The following DOCK1 variants were observed in gnomAD, a reference collection of about 807,000 sequenced individuals.
DOCK1 encodes the protein dedicator of cytokinesis 1.
In DOCK1, 138 loss-of-function variants were observed where a neutral mutation model predicts 262.7. The ratio of observed to expected loss-of-function variants is 0.53; its 90% CI spans 0.46 to 0.61. The LOEUF (loss-of-function observed/expected upper bound fraction) is 0.61, where lower values mean the gene tolerates loss of function less well. DOCK1 is among the 20% of genes least tolerant of loss of function. The probability of loss-of-function intolerance (pLI) is 0.00; values close to 1 mark genes in which losing one functional copy is unlikely to be tolerated. For synonymous variants in DOCK1, 866 were observed against 867.4 expected, an observed-to-expected ratio of 1.00 and a Z score of 0.03; for missense variants, 1,908 against 2,370.7, an observed-to-expected ratio of 0.80 and a Z score of 4.05.
rs532617944 is a variant in DOCK1, at chr10:127,429,174, C to G, written c.4914+3163C>G. On this transcript the variant is annotated intron_variant, in intron 47 of 51. Transcript: ENST00000623213. ...GGCAGCACCGTCTCCATCAACCTCC[C>G]CACCCTTCTCTGTAGCACCAGCTGG... 3.9e-5 allele frequency among the ~76,000 whole-genome samples: 6 copies of G among 152,136 alleles called. No individual in the cohort carries two copies. The South Asian group carries it at 1.2e-3, about 32-fold the overall frequency.
At chr10:127,203,469 C>T (rs778019203) in intron 27 of DOCK1, among the ~76,000 whole-genome samples, 17 of 152,116 alleles carry the variant, frequency 1.1e-4, no homozygotes, top group African/African-American at 3.9e-4. Flanking sequence ...ATTTATTTCG[C>T]AGCGTGGCTC....
At chr10:127,172,392 C>T (rs1034617123) in intron 27 of DOCK1, among the ~76,000 whole-genome samples, 1 of 152,240 alleles carries the variant, frequency 6.6e-6, no homozygotes, top group African/African-American at 2.4e-5. Context: ...GCTGCCACTG[C>T]TCACAGCTGT....
chr10:127,200,164 G>A (rs1267581425), intron 27 of DOCK1, among the ~76,000 whole-genome samples: 1 of 152,130 alleles, frequency 6.6e-6, no homozygotes, highest in Non-Finnish European at 1.5e-5. Flanking sequence ...AGGGTTCCCG[G>A]ATCTCACACA....
intron 27 of DOCK1, among the ~76,000 whole-genome samples, chr10:127,183,071 CTTT>C (rs3066813): frequency 0.22 from 19,471 of 88,982 alleles, 1,853 homozygotes; most frequent in Middle Eastern, 0.3. Flanking sequence ...TATGGTGAAT[CTTT>C]TTTTTTTTTT....
At chr10:126,989,025 A>T (rs1197541715) in intron 5 of DOCK1, among the ~76,000 whole-genome samples, 2 of 149,386 alleles carry the variant, frequency 1.3e-5, no homozygotes, top group African/African-American at 2.5e-5. Context: ...ATGAGCCAAG[A>T]TTGCGCCACT....
intron 29 of DOCK1, among the ~76,000 whole-genome samples, chr10:127,276,626 G>A: frequency 6.6e-6 from 1 of 152,094 alleles, no homozygotes; most frequent in Non-Finnish European, 1.5e-5. Context: ...CTTCAGGCAG[G>A]CAGCCTGATC....
rs1289667054 is a variant in DOCK1, at chr10:127,301,497, G to A, written c.3045-37509G>A. Among the ~76,000 whole-genome samples the A allele has an allele frequency of 3.3e-5, 5 of 152,174 alleles. No homozygotes were observed. In the East Asian group the frequency reaches 5.8e-4, roughly 18 times the overall value. ...AGAAGGGTGTTTACAAAACGGCTTC[G>A]CTTTGCTATTGTCATGAGGAGAACA... On this transcript the variant is annotated intron_variant, in intron 29 of 51. Transcript: ENST00000623213.
intron 27 of DOCK1, among the ~76,000 whole-genome samples, chr10:127,212,619 T>C (rs562777676): frequency 2.2e-4 from 34 of 152,170 alleles, no homozygotes; most frequent in Admixed American, 1.5e-3. Flanking sequence ...GATTTCCCGA[T>C]GCCCAGCAAG....
chr10:127,145,498 A>G (rs547041583), intron 27 of DOCK1, among the ~76,000 whole-genome samples: 35 of 152,316 alleles, frequency 2.3e-4, no homozygotes, highest in Admixed American at 1.9e-3. Context: ...AAACTGTGTT[A>G]TAACTGCCTT....
chr10:127,133,011 C>G (rs187667626), intron 27 of DOCK1, among the ~76,000 whole-genome samples: 9 of 152,276 alleles, frequency 5.9e-5, no homozygotes, highest in Non-Finnish European at 2.9e-5. Flanking sequence ...CATCCTGACT[C>G]CCTAGACACA....
Position 127,300,100 on chromosome 10 carries a change from C to T in DOCK1, c.3045-38906C>T, listed in dbSNP as rs143213073. Among the ~76,000 whole-genome samples the T allele has an allele frequency of 7.7e-3, 1,173 of 152,216 alleles. 7 individuals are homozygous for T. The highest frequency in any genetic ancestry group is 0.031 in the Middle Eastern group (9 of 294). On this transcript the variant is annotated intron_variant, in intron 29 of 51. Coordinates refer to ENST00000623213, the MANE Select transcript of DOCK1 (RefSeq NM_001290223.2). The stretch of plus-strand genomic sequence containing the variant: ...CAAAGGGAAGGTGACCAGTGGACTC[C>T]ACCTGCTCAGCAAACACTGACCTGG...
chr10:126,959,088 G>C (rs1364891487), intron 1 of DOCK1, among the ~76,000 whole-genome samples: 8 of 152,312 alleles, frequency 5.3e-5, no homozygotes, highest in Non-Finnish European at 7.4e-5. Flanking sequence ...TTGACAATTG[G>C]TTGAGTTTGT....
rs752217390 is a variant in DOCK1 at position 127,409,387 on chromosome 10, G to A, written c.4339G>A (p.Val1447Ile). The A allele has an allele frequency of 1.2e-6, 2 of 1,613,972 alleles. No homozygotes were observed. Among genetic ancestry groups the A allele is most frequent in the East Asian group, 2.2e-5 (1 of 44,874 alleles). The change falls in exon 42 of 52, where the codon GTA becomes ATA. Residue 1447 changes from valine to isoleucine, a missense_variant. Coordinates refer to ENST00000623213, the MANE Select transcript of DOCK1 (RefSeq NM_001290223.2). ...KFHRPVSEQI[V>I]SFYRVNEVQR... ...TCACAGGCCAGTGTCAGAGCAGATT[G>A]TAAGGTAATAATCCCATTTTTCTTA...
At chr10:127,228,403 A>G (rs976485077) in intron 27 of DOCK1, among the ~76,000 whole-genome samples, 1 of 152,170 alleles carries the variant, frequency 6.6e-6, no homozygotes, top group Admixed American at 6.5e-5. Flanking sequence ...GGTGGTGACC[A>G]GCAGAGAGCA....
At chr10:127,254,380 A>C (rs568771516) in intron 28 of DOCK1, among the ~76,000 whole-genome samples, 30 of 152,096 alleles carry the variant, frequency 2.0e-4, no homozygotes, top group Admixed American at 1.2e-3. Context: ...ATCCCCCTGT[A>C]TGTTCTGCAA....
intron 29 of DOCK1, among the ~76,000 whole-genome samples, chr10:127,295,683 T>TAA (rs34549951): frequency 5.9e-5 from 8 of 136,096 alleles, no homozygotes; most frequent in Admixed American, 3.7e-4. Context: ...CCCACCCCGA[T>TAA]AAAAAAAAAA....
chr10:127,361,232 G>T (rs1431166618), intron 32 of DOCK1, among the ~76,000 whole-genome samples: 1 of 147,310 alleles, frequency 6.8e-6, no homozygotes, highest in African/African-American at 2.5e-5. Context: ...TCCTGCCTCA[G>T]CCTCCCAGGT....
At chr10:127,123,395 G>T (rs1021030029) in intron 25 of DOCK1, among the ~76,000 whole-genome samples, 7 of 152,190 alleles carry the variant, frequency 4.6e-5, no homozygotes, top group African/African-American at 1.7e-4. Context: ...AAGGGCAAGA[G>T]GACTCATTTG....
chr10:126,929,867 T>G (rs1388269341), intron 1 of DOCK1, among the ~76,000 whole-genome samples: 2 of 152,168 alleles, frequency 1.3e-5, no homozygotes, highest in Non-Finnish European at 2.9e-5. Flanking sequence ...TCAGTGGCAT[T>G]TAGAAGGTCA....
Sources: gnomAD v4.1 joint callset for allele counts (sites outside exome capture counted in the v4.1 genomes callset) on GRCh38, gnomAD v4.1.1 for gene constraint, MANE v1.5 for transcripts, NCBI Gene and HGNC (gene_info 2026-07-23, HGNC 2026-07-21) for gene names.